Variants in TMEM266 observed in about 807,000 individuals in gnomAD.
TMEM266 encodes transmembrane protein 266.
In TMEM266, 33 loss-of-function variants were observed where a neutral mutation model predicts 50.5. That is an observed-to-expected ratio of 0.65 (90% confidence interval 0.50 to 0.87). The LOEUF (loss-of-function observed/expected upper bound fraction) is 0.87, where lower values mean the gene tolerates loss of function less well. Among genes scored for constraint, TMEM266 ranks in the 40% least tolerant of loss-of-function variants. The pLI, the probability that TMEM266 is intolerant of heterozygous loss-of-function variation, is 0.00. For missense variants in TMEM266, 655 were observed against 695.1 expected (o/e 0.94, Z 0.65); for synonymous variants, 310 against 292.3 (o/e 1.06, Z -0.62).
rs1298702477 is a variant in TMEM266, at chr15:76,189,303, G to A, written c.769-2665G>A. Among the ~76,000 whole-genome samples, 51 of 144,060 alleles carry A rather than the reference G, an allele frequency of 3.5e-4. 1 individual carries two copies. Among genetic ancestry groups the A allele is most frequent in the Admixed American group, 3.4e-3 (51 of 14,834 alleles). The allele number at this position is 144,060 out of a possible 152,430, so 94.5% of individuals were successfully genotyped here. ...AAGGAAGGGTAGGTCTCTGTCCATCGTGACAATCTTGTCTCAAAAAAAGAA... is the reference window on the plus strand; with the variant it reads ...AAGGAAGGGTAGGTCTCTGTCCATCATGACAATCTTGTCTCAAAAAAAGAA... On this transcript the variant is annotated intron_variant, in intron 8 of 10. Coordinates refer to ENST00000388942, the MANE Select transcript of TMEM266 (RefSeq NM_152335.3).
intron 1 of TMEM266, among the ~76,000 whole-genome samples, chr15:76,089,955 T>C (rs1425748564): frequency 6.6e-6 from 1 of 152,128 alleles, no homozygotes; most frequent in East Asian, 1.9e-4. Flanking sequence ...TTTGGGTGGA[T>C]GGTAACTTCA....
intron 1 of TMEM266, among the ~76,000 whole-genome samples, chr15:76,110,473 T>C (rs1383888592): frequency 6.6e-6 from 1 of 152,152 alleles, no homozygotes; most frequent in East Asian, 1.9e-4. Flanking sequence ...TTAACGTTAG[T>C]GTATTTTATG....
intron 1 of TMEM266, among the ~76,000 whole-genome samples, chr15:76,118,919 C>A (rs1169762948): frequency 2.6e-5 from 4 of 152,208 alleles, no homozygotes; most frequent in Admixed American, 2.6e-4. Flanking sequence ...ACTTCCTCAA[C>A]TCCTAGCTTA....
At chr15:76,067,642 AAAAAAAAG>A (rs1567138556) in intron 1 of TMEM266, among the ~76,000 whole-genome samples, 1 of 139,488 alleles carries the variant, frequency 7.2e-6, no homozygotes, top group African/African-American at 2.6e-5. Context: ...CAAAAAAAAA[AAAAAAAAG>A]AAAAGAAAAG....
Position 76,160,360 on chromosome 15 carries a change from G to C in TMEM266, c.456+192G>C, listed in dbSNP as rs1050384519. On this transcript the variant is annotated intron_variant, in intron 5 of 10. Coordinates refer to ENST00000388942, the MANE Select transcript of TMEM266 (RefSeq NM_152335.3). The surrounding 1 kb of genome is among the most constrained non-coding windows in gnomAD (Gnocchi z 5.7). ...GGTACAGGGAGCCCAACCCAGCCAG[G>C]GGGGTTTGGCCCTAGCAGGTGATTC... Among the ~76,000 whole-genome samples the C allele has an allele frequency of 5.3e-5, 8 of 152,356 alleles. No homozygotes were observed. The highest frequency in any genetic ancestry group is 1.3e-4 in the Admixed American group (2 of 15,306).
chr15:76,111,649 C>A (rs2037171792), intron 1 of TMEM266, among the ~76,000 whole-genome samples: 1 of 150,002 alleles, frequency 6.7e-6, no homozygotes, highest in Admixed American at 6.6e-5. Flanking sequence ...CTCAGGTGAT[C>A]CACCCGCCTC....
rs779070135 is a variant in TMEM266, at chr15:76,203,839, C to A, written c.1120C>A (p.Pro374Thr). Residue 374 changes from proline (P) to threonine (T), a missense_variant, in exon 11 of 11, where the codon CCC becomes ACC. Pro to Thr is a conservative substitution (Grantham distance 38). Around this residue, in one of 3 missense-constraint regions of TMEM266, gnomAD observed 455 missense variants for 401.8 expected, o/e 1.13. Coordinates refer to ENST00000388942, the MANE Select transcript of TMEM266 (RefSeq NM_152335.3). ...CTCGGACCTCTTCTCTCTGGACATGCCCCTCAAACTCGGCGGTAATGGCAC... is the reference window on the plus strand; with the variant it reads ...CTCGGACCTCTTCTCTCTGGACATGACCCTCAAACTCGGCGGTAATGGCAC... 5.6e-6 allele frequency: 9 copies of A among 1,614,074 alleles called. No homozygotes were observed. In the East Asian group the frequency reaches 2.0e-4, roughly 36 times the overall value.
chr15:76,157,998 G>GTAAA (rs71444968), intron 4 of TMEM266, among the ~76,000 whole-genome samples: 19,049 of 150,394 alleles, frequency 0.13, 1,590 homozygotes, highest in Admixed American at 0.23. Context: ...AAATAAATAA[G>GTAAA]TAAATAAATA....
chr15:76,114,638 A>C (rs2037220698), intron 1 of TMEM266, among the ~76,000 whole-genome samples: 1 of 152,256 alleles, frequency 6.6e-6, no homozygotes, highest in African/African-American at 2.4e-5. Flanking sequence ...TGTATAGTGG[A>C]CATCTTTCCT....
chr15:76,182,376 C>A (rs2038427052), intron 8 of TMEM266, among the ~76,000 whole-genome samples: 1 of 152,086 alleles, frequency 6.6e-6, no homozygotes, highest in Non-Finnish European at 1.5e-5. Context: ...GTGGCTCACA[C>A]CTGTAATCCT....
At chr15:76,182,892 G>A (rs913794142) in intron 8 of TMEM266, among the ~76,000 whole-genome samples, 4 of 152,094 alleles carry the variant, frequency 2.6e-5, no homozygotes, top group African/African-American at 2.4e-5. Flanking sequence ...ATTTCCCTGC[G>A]CCAGAAAGAG....
intron 1 of TMEM266, among the ~76,000 whole-genome samples, chr15:76,111,589 A>G (rs2405418): frequency 0.4 from 60,765 of 150,842 alleles, 13,150 homozygotes; most frequent in East Asian, 0.61. Context: ...TGTATTTTTA[A>G]TAGAGATGGG....
chr15:76,151,689 C>A lies in TMEM266; in HGVS notation c.228-4915C>A, dbSNP rs139935218. 7.4e-4 allele frequency among the ~76,000 whole-genome samples: 113 copies of A among 152,286 alleles called. 1 individual carries two copies. The highest frequency in any genetic ancestry group is 2.6e-3 in the African/African-American group (110 of 41,562). ...ACTCCCAAACTCCCTTTGCCATACC[C>A]CCTTTACCTTTCTGAGATACCTGTT... On this transcript the variant is annotated intron_variant, in intron 3 of 10. Transcript: ENST00000388942.
intron 1 of TMEM266, among the ~76,000 whole-genome samples, chr15:76,107,501 T>A (rs1431133314): frequency 6.6e-6 from 1 of 152,234 alleles, no homozygotes; most frequent in East Asian, 1.9e-4. Flanking sequence ...ATTTTCCATA[T>A]GAGCAAACTG....
intron 7 of TMEM266, among the ~76,000 whole-genome samples, chr15:76,172,863 C>G (rs1294606354): frequency 6.6e-6 from 1 of 152,206 alleles, no homozygotes; most frequent in Non-Finnish European, 1.5e-5. Context: ...AGAACATCCA[C>G]CCCCGCTCGG....
rs1034716339 is a variant in TMEM266, at chr15:76,204,244, C to T, written c.1525C>T (p.Pro509Ser). 2 of 1,613,950 alleles carry T rather than the reference C, an allele frequency of 1.2e-6. No individual in the cohort carries two copies. Among genetic ancestry groups the T allele is most frequent in the Non-Finnish European group, 1.7e-6 (2 of 1,179,986 alleles). The change falls in exon 11 of 11, where the codon CCC (proline) becomes TCC (serine). Residue 509 changes from proline (P) to serine (S), a missense_variant. Around this residue, in one of 3 missense-constraint regions of TMEM266, gnomAD observed 455 missense variants for 401.8 expected, o/e 1.13. Transcript: ENST00000388942. ...TGTCATCCACTTCCAGCCCACTGTG[C>T]CCATGCTGGAGGACAAGTTCAGATC...
intron 3 of TMEM266, among the ~76,000 whole-genome samples, chr15:76,154,320 C>T (rs1186464740): frequency 6.6e-6 from 1 of 152,184 alleles, no homozygotes; most frequent in Non-Finnish European, 1.5e-5. Context: ...CTCCTGAGCT[C>T]CTCCCAGTTT....
chr15:76,151,004 C>T (rs2037833755), intron 3 of TMEM266, among the ~76,000 whole-genome samples: 1 of 152,182 alleles, frequency 6.6e-6, no homozygotes, highest in Admixed American at 6.5e-5. Flanking sequence ...GTAGAATACT[C>T]GCCCACCTGC....
chr15:76,167,323 A>T (rs193211712), intron 5 of TMEM266, among the ~76,000 whole-genome samples: 15,660 of 151,802 alleles, frequency 0.1, 954 homozygotes, highest in Middle Eastern at 0.16. Context: ...ACAAAAAATT[A>T]GCCGGGCATG....
Sources: gnomAD v4.1 joint callset for allele counts (sites outside exome capture counted in the v4.1 genomes callset) on GRCh38, gnomAD v4.1.1 for gene constraint, gnomAD v4.1.1 regional missense constraint, Gnocchi (gnomAD v3.1) non-coding constraint, MANE v1.5 for transcripts, NCBI Gene and HGNC (gene_info 2026-07-23, HGNC 2026-07-21) for gene names.